Variants in DYRK3 observed in about 807,000 individuals in gnomAD.
The protein encoded by DYRK3 is dual specificity tyrosine-phosphorylation-regulated kinase 3.
DYRK3 carries 30 observed loss-of-function variants against 40.8 expected under a neutral mutation model. The ratio of observed to expected loss-of-function variants is 0.74; its 90% CI spans 0.55 to 1.00. The LOEUF (loss-of-function observed/expected upper bound fraction) is 1.00. Among genes scored for constraint, DYRK3 ranks in the 50% least tolerant of loss-of-function variants. The probability of loss-of-function intolerance (pLI) is 0.00; values close to 1 mark genes in which losing one functional copy is unlikely to be tolerated. For missense variants in DYRK3, 699 were observed against 731.5 expected (o/e 0.96, Z 0.51); for synonymous variants, 272 against 260.7 (o/e 1.04, Z -0.42).
At position 206,647,821 on chromosome 1, in the gene DYRK3, G is replaced by A. The variant is rs199918563; in HGVS notation, c.623G>A (p.Arg208Gln). Residue 208 changes from arginine (R) to glutamine (Q), a missense_variant, in exon 3 of 3, where the codon CGA becomes CAA. Arg to Gln is a conservative substitution (Grantham distance 43). Coordinates refer to ENST00000367109, the MANE Select transcript of DYRK3 (RefSeq NM_003582.4). ...IHVPRDHLAY[R>Q]YEVLKIIGKG... ...GTACCTCGAGACCATCTAGCTTATC[G>A]ATATGAGGTGCTGAAAATTATTGGC... is the stretch of plus-strand genomic sequence containing the variant. 12 of 1,613,960 alleles carry A rather than the reference G, an allele frequency of 7.4e-6. No individual in the cohort carries two copies. The highest frequency in any genetic ancestry group is 1.7e-5 in the Admixed American group (1 of 59,992).
intron 2 of DYRK3, among the ~76,000 whole-genome samples, chr1:206,645,682 CT>C (rs1226901506): frequency 0.011 from 1,376 of 126,886 alleles, 10 homozygotes; most frequent in Non-Finnish European, 0.017. Flanking sequence ...TCACATCTGG[CT>C]TTTTTTTTTT....
Position 206,654,297 on chromosome 1 carries a change from G to C in DYRK3, c.*5332G>C, listed in dbSNP as rs141280810. Reference sequence around the variant, plus strand: ...AATACATACTTACACCTTGAGCCAGGTAGAATTGCCAGAACATGTTTTCCT... The same window carrying C: ...AATACATACTTACACCTTGAGCCAGCTAGAATTGCCAGAACATGTTTTCCT... On this transcript the variant is annotated 3_prime_UTR_variant, in exon 3 of 3. Coordinates refer to ENST00000367109, the MANE Select transcript of DYRK3 (RefSeq NM_003582.4). 7.1e-4 allele frequency among the ~76,000 whole-genome samples: 108 copies of C among 152,344 alleles called. No homozygotes were observed. Among genetic ancestry groups the C allele is most frequent in the Non-Finnish European group, 1.3e-3 (90 of 68,038 alleles).
At chr1:206,637,999 GA>G (rs1420657197) in intron 2 of DYRK3, among the ~76,000 whole-genome samples, 2 of 151,894 alleles carry the variant, frequency 1.3e-5, no homozygotes, top group Non-Finnish European at 2.9e-5. Flanking sequence ...ATAGCACTAG[GA>G]AAAAAATAAT....
At chr1:206,637,828 C>A in intron 2 of DYRK3, 67 bp downstream of exon 2, 3 of 1,273,488 alleles carry the variant, frequency 2.4e-6, no homozygotes, top group South Asian at 1.2e-5. Context: ...ACTTAATGCT[C>A]AAGGTACACT....
Position 206,635,744 on chromosome 1 carries a change from G to T in DYRK3, c.41G>T (p.Gly14Val). Residue 14 changes from glycine (G) to valine (V), a missense_variant, in exon 1 of 3, where the codon GGG becomes GTG. Coordinates refer to ENST00000367109, the MANE Select transcript of DYRK3 (RefSeq NM_003582.4). ...CGTGGGCCTGGGCGGAAGGATGCGG[G>T]GCCGCCTGGGGCCGGGCTCCCGCCC... ...TARGPGRKDA[G>V]PPGAGLPPQQ... 1 of 1,245,090 alleles carries T rather than the reference G, an allele frequency of 8.0e-7. No individual in the cohort carries two copies. Among genetic ancestry groups the T allele is most frequent in the Non-Finnish European group, 1.0e-6 (1 of 988,922 alleles). 77.1% of individuals were successfully genotyped at this position (1,245,090 alleles called of 1,614,324 possible). A position where few individuals can be genotyped will look rare whatever the true frequency, so the allele number is the denominator to read the frequency against.
In DYRK3 at chr1:206,635,605, G is replaced by A. The variant is rs1572436654; in HGVS notation, c.-99G>A. The A allele has an allele frequency of 4.1e-6, 5 of 1,224,164 alleles. No individual in the cohort carries two copies. Among genetic ancestry groups the A allele is most frequent in the Non-Finnish European group, 5.1e-6 (5 of 978,052 alleles). 75.8% of individuals were successfully genotyped at this position (1,224,164 alleles called of 1,614,324 possible). The stretch of plus-strand genomic sequence containing the variant: ...CAGTGTCTGGTCGAGAGTACCCGTG[G>A]GAGCGTCGCGCCGCGGAGGCAGCCG... On this transcript the variant is annotated 5_prime_UTR_variant, in exon 1 of 3. Coordinates refer to ENST00000367109, the MANE Select transcript of DYRK3 (RefSeq NM_003582.4).
chr1:206,648,741 C>G lies in DYRK3; in HGVS notation c.1543C>G (p.Gln515Glu), dbSNP rs1304698950. The change falls in exon 3 of 3, where the codon CAA (glutamine) becomes GAA (glutamate). Residue 515 changes from glutamine (Q) to glutamate (E), a missense_variant. By Grantham distance (29) the Gln-to-Glu change is conservative. Coordinates refer to ENST00000367109, the MANE Select transcript of DYRK3 (RefSeq NM_003582.4). Reference sequence around the variant, plus strand: ...CCCCTCTGCCCGCTTGACCCCAGCTCAAGCATTAAGACACCCTTGGATTAG... The same window carrying G: ...CCCCTCTGCCCGCTTGACCCCAGCTGAAGCATTAAGACACCCTTGGATTAG... ...WDPSARLTPA[Q>E]ALRHPWISKS... 2.6e-5 allele frequency: 42 copies of G among 1,613,946 alleles called. No individual in the cohort carries two copies. Among genetic ancestry groups the G allele is most frequent in the Non-Finnish European group, 3.4e-5 (40 of 1,179,942 alleles).
chr1:206,649,927 C>T lies in DYRK3; in HGVS notation c.*962C>T, dbSNP rs1671588007. Among the ~76,000 whole-genome samples the T allele has an allele frequency of 6.6e-6, 1 of 152,194 alleles. No homozygotes were observed. Among genetic ancestry groups the T allele is most frequent in the Non-Finnish European group, 1.5e-5 (1 of 68,024 alleles). ...TACAGCTACCTGCCACTTCAATGTG[C>T]CACATTTTTCCCCCCACTTTCACGT... On this transcript the variant is annotated 3_prime_UTR_variant, in exon 3 of 3. Transcript: ENST00000367109.
rs1553420595 is a variant in DYRK3, at chr1:206,648,202, A to G, written c.1004A>G (p.Asp335Gly). The G allele has an allele frequency of 6.2e-7, 1 of 1,614,172 alleles. No individual in the cohort carries two copies. Among genetic ancestry groups the G allele is most frequent in the South Asian group, 1.1e-5 (1 of 91,088 alleles). The change falls in exon 3 of 3, where the codon GAT becomes GGT. Residue 335 changes from aspartate (D) to glycine (G), a missense_variant. Physicochemically the swap from Asp to Gly is moderately conservative, Grantham distance 94. Coordinates refer to ENST00000367109, the MANE Select transcript of DYRK3 (RefSeq NM_003582.4). ...ALHKNKIIHC[D>G]LKPENILLKH... ...CACAAAAATAAGATTATTCACTGCGATCTGAAGCCAGAAAACATTCTCCTG... is the reference window on the plus strand; with the variant it reads ...CACAAAAATAAGATTATTCACTGCGGTCTGAAGCCAGAAAACATTCTCCTG...
chr1:206,651,841 T>G lies in DYRK3; in HGVS notation c.*2876T>G, dbSNP rs1222732895. Among the ~76,000 whole-genome samples the G allele has an allele frequency of 6.6e-6, 1 of 152,222 alleles. No homozygotes were observed. Among genetic ancestry groups the G allele is most frequent in the Non-Finnish European group, 1.5e-5 (1 of 68,026 alleles). On this transcript the variant is annotated 3_prime_UTR_variant, in exon 3 of 3. Coordinates refer to ENST00000367109, the MANE Select transcript of DYRK3 (RefSeq NM_003582.4). ...TCACTGAATAGTAAATTAGAGAAAA[T>G]GCTACTTTTACTATTTTGCATTTTA...
Position 206,648,853 on chromosome 1 carries a change from G to A in DYRK3, c.1655G>A (p.Gly552Asp). 1 of 1,614,204 alleles carries A rather than the reference G, an allele frequency of 6.2e-7. No homozygotes were observed. The highest frequency in any genetic ancestry group is 8.5e-7 in the Non-Finnish European group (1 of 1,180,040). ...VNPASAFQGL[G>D]SKLPPVVGIA... Reference sequence around the variant, plus strand: ...CCTGCAAGTGCTTTCCAGGGATTGGGTTCTAAGCTGCCTCCAGTTGTTGGA... The same window carrying A: ...CCTGCAAGTGCTTTCCAGGGATTGGATTCTAAGCTGCCTCCAGTTGTTGGA... Residue 552 changes from glycine (G) to aspartate (D), a missense_variant, in exon 3 of 3, where the codon GGT becomes GAT. Gly to Asp is a moderately conservative substitution (Grantham distance 94, BLOSUM62 -1). Coordinates refer to ENST00000367109, the MANE Select transcript of DYRK3 (RefSeq NM_003582.4).
Position 206,647,477 on chromosome 1 carries a change from C to T in DYRK3, c.279C>T (p.Gly93=). ...TAGAACAGCTGTTTCAAGAATTTGGCAACAGAAAATCCAATACTATTCAGT... is the reference window on the plus strand; with the variant it reads ...TAGAACAGCTGTTTCAAGAATTTGGTAACAGAAAATCCAATACTATTCAGT... ...MKVEQLFQEF[G]NRKSNTIQSD... Residue 93 remains glycine (G), a synonymous_variant, in exon 3 of 3, where the codon GGC becomes GGT. Coordinates refer to ENST00000367109, the MANE Select transcript of DYRK3 (RefSeq NM_003582.4). 1 of 1,614,092 alleles carries T rather than the reference C, an allele frequency of 6.2e-7. No individual in the cohort carries two copies. Among genetic ancestry groups the T allele is most frequent in the Non-Finnish European group, 8.5e-7 (1 of 1,180,012 alleles).
At position 206,648,875 on chromosome 1, in the gene DYRK3, T is replaced by G; in HGVS notation, c.1677T>G (p.Val559=). The G allele has an allele frequency of 6.2e-7, 1 of 1,614,192 alleles. No individual in the cohort carries two copies. The highest frequency in any genetic ancestry group is 8.5e-7 in the Non-Finnish European group (1 of 1,180,020). ...TGGGTTCTAAGCTGCCTCCAGTTGT[T>G]GGAATAGCCAATAAGCTTAAAGCTA... ...QGLGSKLPPV[V]GIANKLKANL... The change falls in exon 3 of 3, where the codon GTT becomes GTG. Residue 559 remains valine (V), a synonymous_variant. Coordinates refer to ENST00000367109, the MANE Select transcript of DYRK3 (RefSeq NM_003582.4).
chr1:206,651,630 C>T lies in DYRK3; in HGVS notation c.*2665C>T, dbSNP rs1553421349. ...CTGTAGGCCCAACAGTGTCATGACC[C>T]TCCAGTTGAAACAAAGCATGAGTTA... On this transcript the variant is annotated 3_prime_UTR_variant, in exon 3 of 3. Transcript: ENST00000367109. Among the ~76,000 whole-genome samples, 3 of 152,190 alleles carry T rather than the reference C, an allele frequency of 2.0e-5. No homozygotes were observed. The highest frequency in any genetic ancestry group is 4.8e-5 in the African/African-American group (2 of 41,436).
chr1:206,637,892 C>T, intron 2 of DYRK3, 131 bp downstream of exon 2: 5 of 607,678 alleles, frequency 8.2e-6, no homozygotes, highest in Admixed American at 3.4e-5. Context: ...TTTCTCTTGA[C>T]TTTGGAATAA....
chr1:206,648,353 C>G lies in DYRK3; in HGVS notation c.1155C>G (p.Arg385=). ...CTCCAGAAATCATCTTAGGAAGCCG[C>G]TACAGCACACCAATTGACATATGGA... ...YRAPEIILGS[R]YSTPIDIWSF... The change falls in exon 3 of 3, where the codon CGC becomes CGG. Residue 385 remains arginine, a synonymous_variant. Coordinates refer to ENST00000367109, the MANE Select transcript of DYRK3 (RefSeq NM_003582.4). 6.2e-7 allele frequency: 1 copy of G among 1,614,148 alleles called. No homozygotes were observed. The highest frequency in any genetic ancestry group is 1.1e-5 in the South Asian group (1 of 91,070).
chr1:206,635,794 G>A lies in DYRK3; in HGVS notation c.77+14G>A, dbSNP rs970291277. Reference sequence around the variant, plus strand: ...CCAGCAGCGGAGGTAACGGCGCCACGGGGTAACGGGCTGGAGGCGCCACAG... The same window carrying A: ...CCAGCAGCGGAGGTAACGGCGCCACAGGGTAACGGGCTGGAGGCGCCACAG... On this transcript the variant is annotated intron_variant, in intron 1 of 2. Coordinates refer to ENST00000367109, the MANE Select transcript of DYRK3 (RefSeq NM_003582.4). 2 of 1,241,960 alleles carry A rather than the reference G, an allele frequency of 1.6e-6. No homozygotes were observed. The highest frequency in any genetic ancestry group is 2.0e-6 in the Non-Finnish European group (2 of 989,696). The allele number at this position is 1,241,960 out of a possible 1,614,324, so 76.9% of individuals were successfully genotyped here.
At chr1:206,639,464 G>GC (rs1553418943) in intron 2 of DYRK3, among the ~76,000 whole-genome samples, 1 of 124,446 alleles carries the variant, frequency 8.0e-6, no homozygotes, top group Admixed American at 9.0e-5. Context: ...CATTTTAACT[G>GC]ATTTTTTTTT....
intron 2 of DYRK3, among the ~76,000 whole-genome samples, chr1:206,640,470 G>C (rs1174763546): frequency 6.6e-6 from 1 of 151,702 alleles, no homozygotes; most frequent in Non-Finnish European, 1.5e-5. Flanking sequence ...TTTAGGGTTT[G>C]GGAGCTGGGG....
Sources: gnomAD v4.1 joint callset for allele counts (sites outside exome capture counted in the v4.1 genomes callset) on GRCh38, gnomAD v4.1.1 for gene constraint, MANE v1.5 for transcripts, NCBI Gene and HGNC (gene_info 2026-07-23, HGNC 2026-07-21) for gene names.